The following TTLL11 variants were observed in gnomAD, a reference collection of about 807,000 sequenced individuals.
The protein encoded by TTLL11 is tubulin tyrosine ligase like 11, also known as tubulin polyglutamylase TTLL11.
Under a neutral mutation model 51.7 loss-of-function variants are expected in TTLL11, and 42 were observed. The observed-to-expected ratio is 0.81, with a 90% CI of 0.64 to 1.05. TTLL11 has a LOEUF of 1.05. Among genes scored for constraint, TTLL11 ranks in the 50% least tolerant of loss-of-function variants. The probability of loss-of-function intolerance (pLI) is 0.00; values close to 1 mark genes in which losing one functional copy is unlikely to be tolerated. For synonymous variants in TTLL11, 381 were observed against 383.5 expected (o/e 0.99, Z 0.08); for missense variants, 799 against 940.4 (o/e 0.85, Z 1.97).
In TTLL11 at chr9:121,989,144, C is replaced by G; in HGVS notation, c.1269+51G>C. On this transcript the variant is annotated intron_variant, in intron 4 of 8. Coordinates refer to ENST00000321582, the MANE Select transcript of TTLL11 (RefSeq NM_001139442.2). The surrounding 1 kb of genome is among the most constrained non-coding windows in gnomAD (Gnocchi z 4.2). ...ATCCTACACGAAGCCAGAGAGCCCTCTTGAGGCCGGTCAAGGCTGGAAACG... is the reference window on the plus strand; with the variant it reads ...ATCCTACACGAAGCCAGAGAGCCCTGTTGAGGCCGGTCAAGGCTGGAAACG... 2 of 1,596,928 alleles carry G rather than the reference C, an allele frequency of 1.3e-6. No individual in the cohort carries two copies. The highest frequency in any genetic ancestry group is 1.7e-6 in the Non-Finnish European group (2 of 1,170,462).
At chr9:121,980,376 T>A (rs1266829577) in intron 4 of TTLL11, among the ~76,000 whole-genome samples, 1 of 152,194 alleles carries the variant, frequency 6.6e-6, no homozygotes, top group Admixed American at 6.5e-5. Flanking sequence ...TCTTTCATAG[T>A]AAGGACTGAA....
intron 7 of TTLL11, among the ~76,000 whole-genome samples, chr9:121,864,597 C>T (rs747620086): frequency 2.0e-4 from 31 of 152,278 alleles, no homozygotes; most frequent in African/African-American, 3.8e-4. Context: ...GGCTGCTCAC[C>T]GTACAAGGAT....
At chr9:122,035,644 C>A (rs1844681181) in intron 2 of TTLL11, among the ~76,000 whole-genome samples, 1 of 152,204 alleles carries the variant, frequency 6.6e-6, no homozygotes, top group South Asian at 2.1e-4. Context: ...TCAGATCCAT[C>A]CTGTTCTCTC....
At chr9:121,970,520 T>C (rs1842519150) in intron 6 of TTLL11, among the ~76,000 whole-genome samples, 1 of 152,152 alleles carries the variant, frequency 6.6e-6, no homozygotes, top group South Asian at 2.1e-4. Flanking sequence ...TGCTGATGTG[T>C]CTCAAAAAGT....
At chr9:121,896,873 C>A (rs1839546584) in intron 6 of TTLL11, among the ~76,000 whole-genome samples, 1 of 152,188 alleles carries the variant, frequency 6.6e-6, no homozygotes, top group Non-Finnish European at 1.5e-5. Context: ...GTACAGGGAT[C>A]CGAGGCACGA....
chr9:121,892,376 G>T (rs1410486048), intron 6 of TTLL11, among the ~76,000 whole-genome samples: 14 of 152,126 alleles, frequency 9.2e-5, no homozygotes, highest in Non-Finnish European at 1.5e-4. Context: ...ACATGGGGGG[G>T]TGCTCACAAT....
chr9:121,870,679 T>C lies in TTLL11; in HGVS notation c.1551A>G (p.Pro517=), dbSNP rs536418057. The C allele has an allele frequency of 1.3e-6, 2 of 1,551,762 alleles. No individual in the cohort carries two copies. Among genetic ancestry groups the C allele is most frequent in the South Asian group, 2.4e-5 (2 of 84,060 alleles). ...DALDGELTSA[P]DCNANPEAHL... is the part of the protein sequence containing the mutation. ...GGGCTTCGGGGTTGGCGTTGCAGTC[T>C]GGAGCACTGGTCAGCTCGCCGTCCA... Residue 517 remains proline (P), a synonymous_variant, in exon 7 of 9, where the codon CCA becomes CCG. Transcript: ENST00000321582.
intron 6 of TTLL11, among the ~76,000 whole-genome samples, chr9:121,883,385 A>G (rs1838873391): frequency 6.6e-6 from 1 of 152,170 alleles, no homozygotes. Context: ...TAGCTGTTAT[A>G]TGACTCCTTT....
intron 6 of TTLL11, among the ~76,000 whole-genome samples, chr9:121,917,285 T>C (rs1192852893): frequency 1.3e-5 from 2 of 151,066 alleles, no homozygotes; most frequent in Non-Finnish European, 2.9e-5. Flanking sequence ...CTAGGCAATA[T>C]AGCAAGATCT....
chr9:121,970,118 T>C (rs1389150039), intron 6 of TTLL11, among the ~76,000 whole-genome samples: 1 of 152,244 alleles, frequency 6.6e-6, no homozygotes, highest in Non-Finnish European at 1.5e-5. Flanking sequence ...AAGGGTTTTA[T>C]ATTAGAATAA....
At chr9:122,071,053 CA>C (rs1845713560) in intron 1 of TTLL11, among the ~76,000 whole-genome samples, 1 of 152,180 alleles carries the variant, frequency 6.6e-6, no homozygotes, top group Non-Finnish European at 1.5e-5. Flanking sequence ...AAACTGACAG[CA>C]CAGTCTCTGC....
intron 6 of TTLL11, among the ~76,000 whole-genome samples, chr9:121,895,571 T>C (rs796983530): frequency 6.7e-6 from 1 of 148,674 alleles, no homozygotes; most frequent in Admixed American, 6.7e-5. Flanking sequence ...GTCTGTGTGG[T>C]TGTGTGTTTG....
chr9:121,910,870 T>TG (rs1840091129), intron 6 of TTLL11, among the ~76,000 whole-genome samples: 1 of 152,186 alleles, frequency 6.6e-6, no homozygotes, highest in South Asian at 2.1e-4. Context: ...TTTAACTATG[T>TG]GGTTTGCATT....
At chr9:122,085,138 T>C (rs985357487) in intron 1 of TTLL11, among the ~76,000 whole-genome samples, 3 of 152,036 alleles carry the variant, frequency 2.0e-5, no homozygotes, top group Non-Finnish European at 2.9e-5. Flanking sequence ...TAGGCGCCTG[T>C]AGTCCCAGCT....
chr9:122,026,240 A>C (rs1288408469), intron 3 of TTLL11, among the ~76,000 whole-genome samples: 1 of 152,042 alleles, frequency 6.6e-6, no homozygotes, highest in Non-Finnish European at 1.5e-5. Context: ...GGAGTTGGAG[A>C]CCAGCCTGGC....
chr9:122,019,737 C>G (rs12348837), intron 3 of TTLL11, among the ~76,000 whole-genome samples: 1 of 152,042 alleles, frequency 6.6e-6, no homozygotes, highest in South Asian at 2.1e-4. Flanking sequence ...AGGCATGATA[C>G]GGTTTGGCTG....
intron 6 of TTLL11, among the ~76,000 whole-genome samples, chr9:121,883,739 A>C (rs1012344707): frequency 6.6e-6 from 1 of 152,206 alleles, no homozygotes; most frequent in African/African-American, 2.4e-5. Context: ...TTCTCACAGA[A>C]GTACTAAATG....
intron 3 of TTLL11, among the ~76,000 whole-genome samples, chr9:122,010,343 C>A (rs1843760973): frequency 6.6e-6 from 1 of 152,174 alleles, no homozygotes; most frequent in Admixed American, 6.5e-5. Flanking sequence ...AATTGTAACA[C>A]CCCTTTAGAG....
chr9:122,033,948 A>C lies in TTLL11; in HGVS notation c.560-2092T>G, dbSNP rs147156590. On this transcript the variant is annotated intron_variant, in intron 2 of 8. Transcript: ENST00000321582. ...TTTCCTTTTATTCTCCCTCGAAATT[A>C]GAATTGTTGCATAATAAACACTAGA... 7.9e-5 allele frequency among the ~76,000 whole-genome samples: 12 copies of C among 152,364 alleles called. 1 individual carries two copies. Among genetic ancestry groups the C allele is most frequent in the African/African-American group, 2.9e-4 (12 of 41,584 alleles).
Sources: gnomAD v4.1 joint callset for allele counts (sites outside exome capture counted in the v4.1 genomes callset) on GRCh38, gnomAD v4.1.1 for gene constraint, Gnocchi (gnomAD v3.1) non-coding constraint, MANE v1.5 for transcripts, NCBI Gene and HGNC (gene_info 2026-07-23, HGNC 2026-07-21) for gene names.